SASH1: variants seen among roughly 807,000 people sequenced by gnomAD.
The protein encoded by SASH1 is SAM and SH3 domain-containing protein 1.
SASH1 carries 44 observed loss-of-function variants against 125.2 expected under a neutral mutation model. The ratio of observed to expected loss-of-function variants is 0.35; its 90% CI spans 0.28 to 0.45. The LOEUF (loss-of-function observed/expected upper bound fraction) is 0.45. Ranked by LOEUF, SASH1 falls within the 20% of genes least tolerant of loss-of-function variation. The pLI is 1.00. For missense variants in SASH1, 1,426 were observed against 1,614.5 expected (o/e 0.88, Z 2.00); for synonymous variants, 639 against 649.1 (o/e 0.98, Z 0.24).
intron 2 of SASH1, among the ~76,000 whole-genome samples, chr6:148,396,661 G>C (rs1783965635): frequency 6.6e-6 from 1 of 152,014 alleles, no homozygotes; most frequent in African/African-American, 2.4e-5. Context: ...TCTTTTGACT[G>C]TACCACCCCC....
intron 1 of SASH1, among the ~76,000 whole-genome samples, chr6:148,361,042 C>T (rs749619281): frequency 1.1e-4 from 16 of 152,248 alleles, no homozygotes; most frequent in Admixed American, 2.0e-4. Context: ...AGTAAAGACA[C>T]CCACAGAGAA....
intron 10 of SASH1, among the ~76,000 whole-genome samples, chr6:148,521,729 T>C (rs531999128): frequency 6.6e-6 from 1 of 152,384 alleles, no homozygotes; most frequent in African/African-American, 2.4e-5. Flanking sequence ...GACTCACAGA[T>C]ATTTTGAAAA....
chr6:148,499,790 A>C (rs184763435), intron 8 of SASH1, among the ~76,000 whole-genome samples: 1 of 152,170 alleles, frequency 6.6e-6, no homozygotes, highest in Non-Finnish European at 1.5e-5. Flanking sequence ...AATATGAAGC[A>C]TTTCTCTCTC....
the SASH1 span, among the ~76,000 whole-genome samples, chr6:148,229,215 TG>T: frequency 8.2e-5 from 12 of 145,848 alleles, no homozygotes; most frequent in African/African-American, 3.1e-4. Flanking sequence ...TTAAAATAAA[TG>T]TAAACTCTTA....
chr6:148,468,429 C>T, intron 4 of SASH1, 116 bp from the exon 5 acceptor site: 1 of 729,864 alleles, frequency 1.4e-6, no homozygotes, highest in Non-Finnish European at 2.3e-6. Flanking sequence ...TAGCCTATAA[C>T]AATTTCCCTG....
chr6:148,236,482 G>A, the SASH1 span, among the ~76,000 whole-genome samples: 1 of 152,106 alleles, frequency 6.6e-6, no homozygotes, highest in Non-Finnish European at 1.5e-5. Flanking sequence ...AGAGTGCTTG[G>A]ATTACAGGCA....
chr6:148,487,092 T>TACACACACACAC lies in SASH1; in HGVS notation c.628-512_628-501dup, dbSNP rs1186673454. 9.9e-3 allele frequency among the ~76,000 whole-genome samples: 1,171 copies of TACACACACACAC among 118,714 alleles called. 39 individuals are homozygous for TACACACACACAC. Among genetic ancestry groups the TACACACACACAC allele is most frequent in the African/African-American group, 0.035 (1,106 of 31,616 alleles). 77.9% of individuals were successfully genotyped at this position (118,714 alleles called of 152,430 possible). On this transcript the variant is annotated intron_variant, in intron 7 of 19. Transcript: ENST00000367467. ...AATATATATATATAACACATATATA[T>TACACACACACAC]ACACACACACACACACACACATATA...
At chr6:148,459,416 A>G (rs534062690) in intron 4 of SASH1, among the ~76,000 whole-genome samples, 108 of 152,324 alleles carry the variant, frequency 7.1e-4, no homozygotes, top group Non-Finnish European at 7.5e-4. Context: ...GAGAGATGGC[A>G]TTTGGCTGCT....
At chr6:148,433,797 G>A (rs1372604315) in intron 2 of SASH1, among the ~76,000 whole-genome samples, 2 of 151,954 alleles carry the variant, frequency 1.3e-5, no homozygotes, top group Admixed American at 6.6e-5. Flanking sequence ...AATGAGATTT[G>A]TCATTCTTAA....
chr6:148,240,384 C>A, the SASH1 span, among the ~76,000 whole-genome samples: 1 of 152,190 alleles, frequency 6.6e-6, no homozygotes, highest in African/African-American at 2.4e-5. Context: ...CCAATGTCAT[C>A]TGTTTCATTT....
chr6:148,302,215 A>G (rs76935182), intron 1 of SASH1, among the ~76,000 whole-genome samples: 40,992 of 146,866 alleles, frequency 0.28, 5,976 homozygotes, highest in South Asian at 0.37. Flanking sequence ...CTCGGGAGGC[A>G]GCAGGAGAAT....
intron 4 of SASH1, among the ~76,000 whole-genome samples, chr6:148,456,426 C>T (rs1047529737): frequency 6.6e-6 from 1 of 152,220 alleles, no homozygotes; most frequent in Non-Finnish European, 1.5e-5. Context: ...CCAGAGGAGC[C>T]CCTGCCAGCC....
intron 2 of SASH1, among the ~76,000 whole-genome samples, chr6:148,430,389 T>C (rs1776013234): frequency 6.6e-6 from 1 of 152,252 alleles, no homozygotes; most frequent in South Asian, 2.1e-4. Context: ...TGGAGTGCAG[T>C]GGCGCCATCT....
At chr6:148,430,392 C>T (rs764620151) in intron 2 of SASH1, among the ~76,000 whole-genome samples, 91 of 152,324 alleles carry the variant, frequency 6.0e-4, no homozygotes, top group African/African-American at 1.3e-3. Flanking sequence ...AGTGCAGTGG[C>T]GCCATCTCAG....
rs1554261243 is a variant in SASH1 at position 148,467,113 on chromosome 6, T to TGGGGG, written c.387-1430_387-1429insGGGGG. On this transcript the variant is annotated intron_variant, in intron 4 of 19. Transcript: ENST00000367467. ...CTTTTTTTTTTTTTTTTTTTTTTTTTGGTGATACAGTTTCACTCTGTTGCC... is the reference window on the plus strand; with the variant it reads ...CTTTTTTTTTTTTTTTTTTTTTTTTTGGGGGGGTGATACAGTTTCACTCTGTTGCC... Among the ~76,000 whole-genome samples the TGGGGG allele has an allele frequency of 1.8e-3, 253 of 141,988 alleles. 1 individual carries two copies. The East Asian group carries it at 0.022, about 12-fold the overall frequency. The allele number at this position is 141,988 out of a possible 152,430, so 93.1% of individuals were successfully genotyped here.
chr6:148,336,656 G>A (rs940437281), intron 1 of SASH1, among the ~76,000 whole-genome samples: 8 of 152,210 alleles, frequency 5.3e-5, no homozygotes, highest in African/African-American at 1.9e-4. Flanking sequence ...CAGAGGTAAA[G>A]CAAAGCAAAC....
At chr6:148,420,843 G>A (rs577219158) in intron 2 of SASH1, among the ~76,000 whole-genome samples, 1 of 152,186 alleles carries the variant, frequency 6.6e-6, no homozygotes, top group Admixed American at 6.5e-5. Context: ...CACTTTGGGA[G>A]GCTGAGGCGG....
At chr6:148,460,590 G>A (rs9399649) in intron 4 of SASH1, among the ~76,000 whole-genome samples, 133,287 of 152,202 alleles carry the variant, frequency 0.88, 58,363 homozygotes, top group South Asian at 0.93. Context: ...TTCCCTTGAT[G>A]TAAGTGCCTA....
chr6:148,493,398 G>A (rs536799586), intron 8 of SASH1, among the ~76,000 whole-genome samples: 30 of 152,298 alleles, frequency 2.0e-4, no homozygotes, highest in Non-Finnish European at 3.7e-4. Context: ...GTTAATTTCA[G>A]AATTCAGCCA....
Sources: gnomAD v4.1 joint callset for allele counts (sites outside exome capture counted in the v4.1 genomes callset) on GRCh38, gnomAD v4.1.1 for gene constraint, MANE v1.5 for transcripts, NCBI Gene and HGNC (gene_info 2026-07-23, HGNC 2026-07-21) for gene names.